The following UST variants were observed in gnomAD, a reference collection of about 807,000 sequenced individuals.
UST encodes chondroitin sulfate 2-O-sulfotransferase.
A neutral mutation model predicts 45.6 loss-of-function variants in UST; 21 were observed. The ratio of observed to expected loss-of-function variants is 0.46; its 90% CI spans 0.33 to 0.66. The LOEUF is 0.66. Among genes scored for constraint, UST ranks in the 30% least tolerant of loss-of-function variants. The probability of loss-of-function intolerance (pLI) is 0.02; values close to 1 mark genes in which losing one functional copy is unlikely to be tolerated. For synonymous variants in UST, 215 were observed against 200.6 expected, an observed-to-expected ratio of 1.07 and a Z score of -0.61; for missense variants, 463 against 512.4, an observed-to-expected ratio of 0.90 and a Z score of 0.93.
At chr6:148,751,876 A>G (rs892116467) in intron 1 of UST, among the ~76,000 whole-genome samples, 3 of 152,248 alleles carry the variant, frequency 2.0e-5, no homozygotes, top group Non-Finnish European at 4.4e-5. Flanking sequence ...CTGTGGAAAT[A>G]TCAAAAACTT....
intron 2 of UST, among the ~76,000 whole-genome samples, chr6:148,930,265 A>G (rs1376521084): frequency 1.3e-5 from 2 of 152,196 alleles, no homozygotes; most frequent in African/African-American, 4.8e-5. Context: ...AGGGCAAGAG[A>G]CTTGTTGTAA....
At chr6:148,964,105 G>A (rs1164298112) in intron 4 of UST, among the ~76,000 whole-genome samples, 1 of 152,186 alleles carries the variant, frequency 6.6e-6, no homozygotes, top group Non-Finnish European at 1.5e-5. Flanking sequence ...CTACAGCCTG[G>A]TGAGAAAACT....
chr6:149,021,268 T>G (rs1775975752), intron 6 of UST, 56 bp from the exon 7 acceptor site: 15 of 1,532,250 alleles, frequency 9.8e-6, no homozygotes, highest in Non-Finnish European at 1.3e-5. Flanking sequence ...TCTCAGCATC[T>G]TGCTGCATTT....
At chr6:148,777,281 G>A (rs1247835121) in intron 1 of UST, among the ~76,000 whole-genome samples, 1 of 152,218 alleles carries the variant, frequency 6.6e-6, no homozygotes, top group Non-Finnish European at 1.5e-5. Context: ...ACATAAGCAA[G>A]CCTGATGGAT....
At chr6:148,791,620 T>G (rs7753810) in intron 1 of UST, among the ~76,000 whole-genome samples, 51,768 of 152,038 alleles carry the variant, frequency 0.34, 9,547 homozygotes, top group African/African-American at 0.48. Flanking sequence ...AGAAGCACAT[T>G]TCAGTACAAT....
At chr6:148,780,126 T>C (rs1041966669) in intron 1 of UST, among the ~76,000 whole-genome samples, 4 of 147,014 alleles carry the variant, frequency 2.7e-5, no homozygotes, top group African/African-American at 9.9e-5. Context: ...TGTGTATATA[T>C]ATACACACAC....
At chr6:148,768,274 C>T (rs1184471526) in intron 1 of UST, among the ~76,000 whole-genome samples, 1 of 152,100 alleles carries the variant, frequency 6.6e-6, no homozygotes, top group Non-Finnish European at 1.5e-5. Flanking sequence ...AGACATGGGT[C>T]TTCTTTTGGG....
chr6:148,968,467 G>T (rs1249583640), intron 5 of UST, among the ~76,000 whole-genome samples: 2 of 152,246 alleles, frequency 1.3e-5, no homozygotes, highest in South Asian at 2.1e-4. Flanking sequence ...AAGCTCCCCA[G>T]TGTGGAGGTG....
chr6:148,920,585 G>A (rs1373813256), intron 2 of UST, among the ~76,000 whole-genome samples: 1 of 152,164 alleles, frequency 6.6e-6, no homozygotes, highest in Admixed American at 6.5e-5. Context: ...CTGGAATGCG[G>A]TGGCCCAATC....
chr6:148,767,395 G>A (rs969568965), intron 1 of UST, among the ~76,000 whole-genome samples: 4 of 152,142 alleles, frequency 2.6e-5, no homozygotes, highest in Non-Finnish European at 4.4e-5. Flanking sequence ...TAGGCTATTT[G>A]GAGTTTTGTG....
At chr6:148,976,275 G>A (rs955729435) in intron 5 of UST, among the ~76,000 whole-genome samples, 10 of 152,162 alleles carry the variant, frequency 6.6e-5, no homozygotes, top group Non-Finnish European at 1.3e-4. Context: ...CTCTGGCGGG[G>A]GTGGGGGGTT....
chr6:149,043,280 T>C (rs1001548316), intron 7 of UST, among the ~76,000 whole-genome samples: 10 of 151,782 alleles, frequency 6.6e-5, no homozygotes, highest in Non-Finnish European at 1.0e-4. Flanking sequence ...CCACTTATTT[T>C]GTTTATTTTT....
chr6:148,817,922 T>G (rs1459961089), intron 1 of UST, among the ~76,000 whole-genome samples: 1 of 152,190 alleles, frequency 6.6e-6, no homozygotes, highest in Non-Finnish European at 1.5e-5. Flanking sequence ...ATTTACAGTA[T>G]AGTCTGTGGC....
chr6:149,032,414 C>G (rs1212871965), intron 7 of UST: 1 of 153,324 alleles, frequency 6.5e-6, no homozygotes, highest in Non-Finnish European at 1.5e-5. Context: ...GCCCCATGTG[C>G]CTCGCACCGA....
intron 3 of UST, among the ~76,000 whole-genome samples, chr6:148,944,568 A>T (rs551158390): frequency 6.6e-6 from 1 of 151,806 alleles, no homozygotes; most frequent in Admixed American, 6.6e-5. Flanking sequence ...TTTTAAATCT[A>T]TTAAATGGAA....
chr6:149,047,219 C>A (rs780059854), intron 7 of UST, among the ~76,000 whole-genome samples: 2 of 152,126 alleles, frequency 1.3e-5, no homozygotes, highest in Non-Finnish European at 2.9e-5. Context: ...TTCTACATAT[C>A]TGTGAAATGG....
In UST at chr6:148,828,082, G is replaced by A. The variant is rs545391283; in HGVS notation, c.248-58904G>A. Among the ~76,000 whole-genome samples, 85 of 151,912 alleles carry A rather than the reference G, an allele frequency of 5.6e-4. 2 individuals carry two copies. In the South Asian group the frequency reaches 6.7e-3, roughly 12 times the overall value. On this transcript the variant is annotated intron_variant, in intron 1 of 7. Transcript: ENST00000367463. ...AATCTTAATCCCTTCTGAATTATAC[G>A]TAATTTGACAGAAGTCAAATATGTT...
chr6:148,889,112 C>G (rs1252378175), intron 2 of UST, among the ~76,000 whole-genome samples: 1 of 152,226 alleles, frequency 6.6e-6, no homozygotes, highest in African/African-American at 2.4e-5. Context: ...TATTAAAACA[C>G]AGATTGCTGG....
chr6:148,871,494 G>A (rs1778559700), intron 1 of UST, among the ~76,000 whole-genome samples: 1 of 152,104 alleles, frequency 6.6e-6, no homozygotes, highest in Non-Finnish European at 1.5e-5. Context: ...CAGACAGCTA[G>A]CATTTCACTC....
Sources: allele counts gnomAD v4.1 joint callset (sites outside exome capture counted in the v4.1 genomes callset), GRCh38; gene constraint gnomAD v4.1.1; transcripts MANE v1.5; gene names NCBI Gene and HGNC (gene_info 2026-07-23, HGNC 2026-07-21).